The following KIF23 variants were observed in gnomAD, a reference collection of about 807,000 sequenced individuals.
The protein encoded by KIF23 is kinesin-like protein KIF23.
Under a neutral mutation model 137.5 loss-of-function variants are expected in KIF23, and 30 were observed. The ratio of observed to expected loss-of-function variants is 0.22; its 90% confidence interval spans 0.16 to 0.30. The LOEUF (loss-of-function observed/expected upper bound fraction) is 0.30, where lower values mean the gene tolerates loss of function less well. KIF23 is among the 10% of genes least tolerant of loss of function. The pLI, the probability that KIF23 is intolerant of heterozygous loss-of-function variation, is 1.00. For missense variants in KIF23, 920 were observed against 1,194.3 expected, an observed-to-expected ratio of 0.77 and a Z score of 3.38; for synonymous variants, 367 against 391.1, an observed-to-expected ratio of 0.94 and a Z score of 0.73.
At chr15:69,417,553 GT>G in intron 3 of KIF23, 42 bp downstream of exon 3, 1 of 1,582,018 alleles carries the variant, frequency 6.3e-7, no homozygotes, top group South Asian at 1.2e-5. Flanking sequence ...TCAATATGTT[GT>G]TTCCTGAATG....
chr15:69,422,109 C>T lies in KIF23; in HGVS notation c.434C>T (p.Ser145Leu). 2.5e-6 allele frequency: 4 copies of T among 1,613,874 alleles called. No individual in the cohort carries two copies. Among genetic ancestry groups the T allele is most frequent in the Non-Finnish European group, 3.4e-6 (4 of 1,179,934 alleles). The change falls in exon 5 of 24, where the codon TCA becomes TTA. Residue 145 changes from serine to leucine, a missense_variant. Transcript: ENST00000679126. ...GACATGATCTTTAACAGTATAGGGT[C>T]ATTTCAAGCTAAACGATATGTAAGT... ...CLDMIFNSIG[S>L]FQAKRYVFKS...
intron 4 of KIF23, 73 bp from the exon 5 acceptor site, chr15:69,421,919 T>A: frequency 1.9e-6 from 3 of 1,556,800 alleles, no homozygotes; most frequent in Non-Finnish European, 2.6e-6. Flanking sequence ...GTTAGTGTTT[T>A]CTAATGCAGT....
At chr15:69,435,244 G>A (rs569743873) in intron 11 of KIF23, 1 of 529,152 alleles carries the variant, frequency 1.9e-6, no homozygotes, top group Non-Finnish European at 3.3e-6. Flanking sequence ...GTTGCATTTT[G>A]TGGAAAATCC....
chr15:69,441,231 G>A (rs900464202), intron 19 of KIF23, 152 bp downstream of exon 19: 2 of 760,162 alleles, frequency 2.6e-6, no homozygotes, highest in Non-Finnish European at 4.1e-6. Context: ...TTGACTTACG[G>A]AAATTGAGGC....
intron 11 of KIF23, chr15:69,435,254 C>T (rs979606883): frequency 3.8e-6 from 2 of 530,008 alleles, no homozygotes; most frequent in Non-Finnish European, 6.6e-6. Flanking sequence ...GTGGAAAATC[C>T]TGTTGGTAGA....
rs747254915 is a variant in KIF23, at chr15:69,435,513, G to C, written c.1145G>C (p.Arg382Thr). ...ATTAATCAGTCACTAATGACGCTAA[G>C]AACATGTATGGATGTCCTAAGAGAG... ...GNINQSLMTL[R>T]TCMDVLRENQ... Residue 382 changes from arginine (R) to threonine (T), a missense_variant, in exon 12 of 24, where the codon AGA (arginine) becomes ACA (threonine). Arg to Thr is a moderately conservative substitution (Grantham distance 71). Transcript: ENST00000679126. 2 of 1,613,996 alleles carry C rather than the reference G, an allele frequency of 1.2e-6. No homozygotes were observed. The highest frequency in any genetic ancestry group is 1.7e-6 in the Non-Finnish European group (2 of 1,179,926).
At position 69,422,314 on chromosome 15, in the gene KIF23, C is replaced by A; in HGVS notation, c.454-12C>A. 1 of 1,420,188 alleles carries A rather than the reference C, an allele frequency of 7.0e-7. No homozygotes were observed. The highest frequency in any genetic ancestry group is 1.3e-5 in the South Asian group (1 of 79,508). 88.0% of individuals were successfully genotyped at this position (1,420,188 alleles called of 1,614,324 possible). On this transcript the variant is annotated splice_polypyrimidine_tract_variant and intron_variant, in intron 5 of 23. Coordinates refer to ENST00000679126, the MANE Select transcript of KIF23 (RefSeq NM_001367805.3). ...ACGTGGTGTGATTTTTTTTTTTTTG[C>A]CCCCACTTCAGGTTTTCAAATCTAA...
rs1396345682 is a variant in KIF23 at position 69,425,342 on chromosome 15, T to C, written c.776+19T>C. 5 of 1,533,510 alleles carry C rather than the reference T, an allele frequency of 3.3e-6. No individual in the cohort carries two copies. Among genetic ancestry groups the C allele is most frequent in the African/African-American group, 2.7e-5 (2 of 73,002 alleles). The allele number at this position is 1,533,510 out of a possible 1,614,324, so 95.0% of individuals were successfully genotyped here. On this transcript the variant is annotated intron_variant, in intron 8 of 23. Coordinates refer to ENST00000679126, the MANE Select transcript of KIF23 (RefSeq NM_001367805.3). Reference sequence around the variant, plus strand: ...ATTTTGTGTATGTGATGGTGTTGGCTCTTTTCTTAAGGAGAAGGGTGCAGT... The same window carrying C: ...ATTTTGTGTATGTGATGGTGTTGGCCCTTTTCTTAAGGAGAAGGGTGCAGT...
chr15:69,436,911 C>T (rs557701728), intron 15 of KIF23, among the ~76,000 whole-genome samples, 189 bp downstream of exon 15: 58 of 152,218 alleles, frequency 3.8e-4, no homozygotes, highest in African/African-American at 1.1e-3. Flanking sequence ...CATGCCACCA[C>T]GCCTGGCTAA....
chr15:69,434,914 C>T (rs897083572), intron 11 of KIF23: 15 of 705,256 alleles, frequency 2.1e-5, no homozygotes, highest in South Asian at 3.4e-5. Flanking sequence ...AGCTCCAGCT[C>T]GTGGTGCAGG....
chr15:69,419,703 T>C (rs1156678466), intron 3 of KIF23, among the ~76,000 whole-genome samples: 1 of 152,206 alleles, frequency 6.6e-6, no homozygotes, highest in African/African-American at 2.4e-5. Flanking sequence ...AATGTAAACT[T>C]CCAGGGAATA....
In KIF23 at chr15:69,414,426, C is replaced by T. The variant is rs372267064; in HGVS notation, c.-40C>T. ...CGTCCCGCAGTCTTCGCCAGCCAGC[C>T]GTCCCGCATGCGCGTTTGGGCGGCG... On this transcript the variant is annotated 5_prime_UTR_variant, in exon 1 of 24. Transcript: ENST00000679126. 2.3e-5 allele frequency: 37 copies of T among 1,576,146 alleles called. No individual in the cohort carries two copies. The East Asian group carries it at 6.1e-4, about 26-fold the overall frequency.
rs1567063656 is a variant in KIF23 at position 69,426,425 on chromosome 15, C to T, written c.979C>T (p.Pro327Ser). ...GTTCAACATTAAATTAGTTCAGGCTCCCTTGGATGCAGATGGAGACAATGT... is the reference window on the plus strand; with the variant it reads ...GTTCAACATTAAATTAGTTCAGGCTTCCTTGGATGCAGATGGAGACAATGT... ...SVFNIKLVQA[P>S]LDADGDNVLQ... Residue 327 changes from proline to serine, a missense_variant, in exon 10 of 24, where the codon CCC becomes TCC. Pro to Ser is a moderately conservative substitution (Grantham distance 74, BLOSUM62 -1). Around this residue, in one of 4 missense-constraint regions of KIF23, gnomAD observed 714 missense variants for 866.2 expected, o/e 0.82. Coordinates refer to ENST00000679126, the MANE Select transcript of KIF23 (RefSeq NM_001367805.3). The T allele has an allele frequency of 2.5e-6, 4 of 1,614,068 alleles. No individual in the cohort carries two copies. Among genetic ancestry groups the T allele is most frequent in the Non-Finnish European group, 3.4e-6 (4 of 1,179,964 alleles).
At chr15:69,426,511 G>A in intron 10 of KIF23, 54 bp downstream of exon 10, 1 of 1,584,072 alleles carries the variant, frequency 6.3e-7, no homozygotes, top group East Asian at 2.2e-5. Flanking sequence ...CTTAATTTTT[G>A]GAATTAGAGT....
In KIF23 at chr15:69,416,020, C is replaced by T; in HGVS notation, c.38C>T (p.Thr13Ile). 6.3e-7 allele frequency: 1 copy of T among 1,578,732 alleles called. No homozygotes were observed. Among genetic ancestry groups the T allele is most frequent in the East Asian group, 2.3e-5 (1 of 43,622 alleles). ...AGAGCTAAGACACCCCGGAAACCTA[C>T]CGTGAAAAAAGGGTCCCAAACGAAC... is the stretch of plus-strand genomic sequence containing the variant. The part of the protein sequence containing the change: ...SARAKTPRKP[T>I]VKKGSQTNLK... Residue 13 changes from threonine (T) to isoleucine (I), a missense_variant, in exon 2 of 24, where the codon ACC becomes ATC. Coordinates refer to ENST00000679126, the MANE Select transcript of KIF23 (RefSeq NM_001367805.3).
Position 69,414,464 on chromosome 15 carries a change from C to A in KIF23, c.-2C>A, listed in dbSNP as rs142968400. The A allele has an allele frequency of 6.3e-7, 1 of 1,589,356 alleles. No homozygotes were observed. The highest frequency in any genetic ancestry group is 1.8e-5 in the Admixed American group (1 of 56,926). ...CGTTTGGGCGGCGTGGAGCCTGCTG[C>A]CATGAAGTCAGCGTGAGTACGAGGC... On this transcript the variant is annotated 5_prime_UTR_variant, in exon 1 of 24. Coordinates refer to ENST00000679126, the MANE Select transcript of KIF23 (RefSeq NM_001367805.3).
intron 18 of KIF23, 74 bp from the exon 19 acceptor site, chr15:69,440,694 C>A: frequency 7.6e-7 from 1 of 1,312,374 alleles, no homozygotes; most frequent in Non-Finnish European, 1.0e-6. Context: ...CATGTGCTAA[C>A]ATTATAGAAA....
Position 69,441,001 on chromosome 15 carries a change from G to A in KIF23, c.2343G>A (p.Gly781=). The change falls in exon 19 of 24, where the codon GGG becomes GGA. Residue 781 remains glycine (G), a synonymous_variant. Coordinates refer to ENST00000679126, the MANE Select transcript of KIF23 (RefSeq NM_001367805.3). ...GTATCGTGTCAGACAGAAGGCGAGG[G>A]ATGTACTGGACTGAAGGCAGGGAGG... ...KTCIVSDRRR[G]MYWTEGREVV... 6.2e-7 allele frequency: 1 copy of A among 1,614,212 alleles called. No homozygotes were observed. Among genetic ancestry groups the A allele is most frequent in the Non-Finnish European group, 8.5e-7 (1 of 1,180,038 alleles).
intron 13 of KIF23, 126 bp from the exon 14 acceptor site, chr15:69,436,012 C>A: frequency 7.6e-7 from 1 of 1,312,930 alleles, no homozygotes; most frequent in Non-Finnish European, 1.0e-6. Flanking sequence ...GTTCATGCCA[C>A]TGCACTCCAG....
Sources: allele counts gnomAD v4.1 joint callset (sites outside exome capture counted in the v4.1 genomes callset), GRCh38; gene constraint gnomAD v4.1.1; regional missense constraint gnomAD v4.1.1; transcripts MANE v1.5; gene names NCBI Gene and HGNC (gene_info 2026-07-23, HGNC 2026-07-21).